The following ZNF804A variants were observed in gnomAD, a reference collection of about 807,000 sequenced individuals.
ZNF804A encodes zinc finger protein 804A.
In ZNF804A, 2 loss-of-function variants were observed where a neutral mutation model predicts 16.5. That is an observed-to-expected ratio of 0.12 (90% CI 0.05 to 0.38). The LOEUF (loss-of-function observed/expected upper bound fraction) is 0.38. ZNF804A is among the 10% of genes least tolerant of loss of function. ZNF804A has a pLI of 0.99. For missense variants in ZNF804A, 1,473 were observed against 1,390.7 expected (o/e 1.06, Z -0.94); for synonymous variants, 534 against 489.6 (o/e 1.09, Z -1.20).
intron 1 of ZNF804A, among the ~76,000 whole-genome samples, chr2:184,835,175 C>A (rs1449480408): frequency 1.3e-5 from 2 of 152,064 alleles, no homozygotes; most frequent in Admixed American, 1.3e-4. Flanking sequence ...GTTCTGAACT[C>A]CCCCCAGGAG....
intron 2 of ZNF804A, among the ~76,000 whole-genome samples, chr2:184,913,356 G>C (rs1200106143): frequency 6.6e-6 from 1 of 152,136 alleles, no homozygotes; most frequent in Admixed American, 6.6e-5. Context: ...ACCTTTACCA[G>C]TGTACTTTAT....
At chr2:184,817,380 A>G (rs1208420611) in intron 1 of ZNF804A, among the ~76,000 whole-genome samples, 1 of 151,942 alleles carries the variant, frequency 6.6e-6, no homozygotes, top group Non-Finnish European at 1.5e-5. Flanking sequence ...AACAAAAAAG[A>G]CCCCACACAA....
At chr2:184,798,097 G>A (rs1694665914) in intron 1 of ZNF804A, among the ~76,000 whole-genome samples, 1 of 150,414 alleles carries the variant, frequency 6.6e-6, no homozygotes, top group Admixed American at 6.7e-5. Flanking sequence ...GGTTTCTGCT[G>A]AGAAATCTGC....
At chr2:184,784,252 T>C (rs1694415776) in intron 1 of ZNF804A, among the ~76,000 whole-genome samples, 1 of 151,894 alleles carries the variant, frequency 6.6e-6, no homozygotes, top group South Asian at 2.1e-4. Context: ...CAGGAGAGTA[T>C]TGTGTTTCAG....
intron 1 of ZNF804A, among the ~76,000 whole-genome samples, chr2:184,651,216 G>T (rs963173213): frequency 6.6e-6 from 1 of 152,224 alleles, no homozygotes; most frequent in Middle Eastern, 3.4e-3. Flanking sequence ...TCAGTAAATG[G>T]TGTTGGGATA....
intron 2 of ZNF804A, among the ~76,000 whole-genome samples, chr2:184,925,918 ATTCTT>A (rs1207445882): frequency 1.3e-5 from 2 of 151,306 alleles, no homozygotes; most frequent in Admixed American, 6.6e-5. Context: ...TATCTTTTTT[ATTCTT>A]TTCTTTTTGG....
At chr2:184,828,589 AT>A (rs1695209652) in intron 1 of ZNF804A, among the ~76,000 whole-genome samples, 1 of 150,714 alleles carries the variant, frequency 6.6e-6, no homozygotes, top group South Asian at 2.1e-4. Flanking sequence ...TCTCTTATTT[AT>A]GCTTTGCCTG....
intron 1 of ZNF804A, among the ~76,000 whole-genome samples, chr2:184,860,897 G>A (rs932429848): frequency 6.6e-6 from 1 of 152,234 alleles, no homozygotes; most frequent in Admixed American, 6.5e-5. Flanking sequence ...GGGTCTCTGG[G>A]GTTGGCCTAG....
At chr2:184,813,622 T>C (rs940042705) in intron 1 of ZNF804A, among the ~76,000 whole-genome samples, 2 of 152,062 alleles carry the variant, frequency 1.3e-5, no homozygotes, top group Non-Finnish European at 2.9e-5. Flanking sequence ...AGCAGAAATT[T>C]AAGAAGTGAA....
chr2:184,919,195 C>T (rs940757985), intron 2 of ZNF804A, among the ~76,000 whole-genome samples: 1 of 152,190 alleles, frequency 6.6e-6, no homozygotes, highest in African/African-American at 2.4e-5. Context: ...CAAATCCATA[C>T]CCAGAGTAAA....
At chr2:184,742,538 C>G (rs1434939932) in intron 1 of ZNF804A, among the ~76,000 whole-genome samples, 1 of 151,804 alleles carries the variant, frequency 6.6e-6, no homozygotes, top group African/African-American at 2.4e-5. Flanking sequence ...TATTGTATGG[C>G]ACTTAGATAA....
intron 1 of ZNF804A, among the ~76,000 whole-genome samples, chr2:184,626,097 T>C (rs1160065794): frequency 1.3e-5 from 2 of 152,026 alleles, no homozygotes; most frequent in Admixed American, 1.3e-4. Context: ...CTTGATCTCC[T>C]GATCTCGTGA....
At chr2:184,700,743 G>C (rs1692906655) in intron 1 of ZNF804A, among the ~76,000 whole-genome samples, 1 of 152,016 alleles carries the variant, frequency 6.6e-6, no homozygotes, top group Non-Finnish European at 1.5e-5. Flanking sequence ...TCATTTGATA[G>C]AGGCCATTGT....
intron 1 of ZNF804A, among the ~76,000 whole-genome samples, chr2:184,782,666 C>T (rs1195033829): frequency 6.8e-6 from 1 of 147,604 alleles, no homozygotes. Flanking sequence ...TATATATATG[C>T]TTAATAGGAT....
chr2:184,752,642 A>G (rs908116687), intron 1 of ZNF804A, among the ~76,000 whole-genome samples: 1 of 151,686 alleles, frequency 6.6e-6, no homozygotes, highest in African/African-American at 2.4e-5. Context: ...CGTATTTTAC[A>G]TAAAGGCAAC....
At chr2:184,712,613 C>A (rs13414832) in intron 1 of ZNF804A, among the ~76,000 whole-genome samples, 20,942 of 151,596 alleles carry the variant, frequency 0.14, 1,565 homozygotes, top group Middle Eastern at 0.23. Flanking sequence ...TTTAAATAAG[C>A]TTTTGATTCC....
intron 1 of ZNF804A, among the ~76,000 whole-genome samples, chr2:184,722,590 C>T (rs565813074): frequency 1.3e-5 from 2 of 151,964 alleles, no homozygotes; most frequent in South Asian, 2.1e-4. Flanking sequence ...GGTTACTATA[C>T]GCAATAGTGA....
rs1317132192 is a variant in ZNF804A, at chr2:184,937,743, G to A, written c.2347G>A (p.Glu783Lys). 2 of 1,614,012 alleles carry A rather than the reference G, an allele frequency of 1.2e-6. No individual in the cohort carries two copies. Among genetic ancestry groups the A allele is most frequent in the South Asian group, 1.1e-5 (1 of 91,066 alleles). The change falls in exon 4 of 4, where the codon GAA (glutamate) becomes AAA (lysine). Residue 783 changes from glutamate (E) to lysine (K), a missense_variant. Transcript: ENST00000302277. ...RQHSHSYSSD[E>K]SLNRQNHLPE... ...ACATTCACATTCTTATTCTTCAGAT[G>A]AAAGTTTAAATCGACAGAATCATTT... is the stretch of plus-strand genomic sequence containing the variant.
intron 1 of ZNF804A, among the ~76,000 whole-genome samples, chr2:184,755,019 C>A (rs1244421856): frequency 3.3e-5 from 5 of 151,774 alleles, no homozygotes; most frequent in African/African-American, 4.8e-5. Flanking sequence ...CTAGGTCCCA[C>A]CCCACATACA....
Sources: gnomAD v4.1 joint callset for allele counts (sites outside exome capture counted in the v4.1 genomes callset) on GRCh38, gnomAD v4.1.1 for gene constraint, MANE v1.5 for transcripts, NCBI Gene and HGNC (gene_info 2026-07-23, HGNC 2026-07-21) for gene names.